Variants in NEGR1 observed in about 807,000 individuals in gnomAD.
NEGR1 encodes the protein IgLON family member 4.
Under a neutral mutation model 40.9 loss-of-function variants are expected in NEGR1, and 10 were observed. The observed-to-expected ratio is 0.24, with a 90% CI of 0.15 to 0.42. NEGR1 has a LOEUF of 0.42. NEGR1 is among the 10% of genes least tolerant of loss of function. NEGR1 has a pLI of 1.00. For missense variants in NEGR1, 352 were observed against 438.9 expected, an observed-to-expected ratio of 0.80 and a Z score of 1.77; for synonymous variants, 185 against 166.8, an observed-to-expected ratio of 1.11 and a Z score of -0.84.
intron 1 of NEGR1, chr1:72,274,719 A>T: frequency 9.8e-7 from 1 of 1,022,876 alleles, no homozygotes; most frequent in Non-Finnish European, 1.6e-6. Context: ...AGAATGGAAA[A>T]GTAATTGGAG....
intron 6 of NEGR1, among the ~76,000 whole-genome samples, chr1:71,581,153 G>T (rs896170066): frequency 2.0e-5 from 3 of 152,102 alleles, no homozygotes; most frequent in Non-Finnish European, 4.4e-5. Context: ...AATGGTGTGT[G>T]ATATGGCACA....
chr1:72,130,443 T>C (rs1650201344), intron 1 of NEGR1, among the ~76,000 whole-genome samples: 1 of 152,204 alleles, frequency 6.6e-6, no homozygotes, highest in African/African-American at 2.4e-5. Context: ...CAACGTCACT[T>C]TTCTTACGTC....
In NEGR1 at chr1:71,737,198, G is replaced by A. The variant is rs1186880215; in HGVS notation, c.535+38974C>T. ...ACTTTTGAAAAGGGAAATGAAATAG[G>A]CTCGACCATATCATATCCCAAAATG... On this transcript the variant is annotated intron_variant, in intron 3 of 6. Coordinates refer to ENST00000357731, the MANE Select transcript of NEGR1 (RefSeq NM_173808.3). 1.1e-4 allele frequency among the ~76,000 whole-genome samples: 16 copies of A among 152,214 alleles called. 1 individual carries two copies. In the East Asian group the frequency reaches 3.1e-3, roughly 29 times the overall value.
At chr1:71,607,595 T>G (rs1466350629) in intron 5 of NEGR1, among the ~76,000 whole-genome samples, 9 of 152,260 alleles carry the variant, frequency 5.9e-5, no homozygotes, top group African/African-American at 2.2e-4. Flanking sequence ...CTTACAGGTT[T>G]GTTATAAGAG....
chr1:72,104,622 T>C (rs959776843), intron 1 of NEGR1, among the ~76,000 whole-genome samples: 2 of 152,174 alleles, frequency 1.3e-5, no homozygotes, highest in African/African-American at 4.8e-5. Context: ...ATTGTAGTAA[T>C]ATGCTACACA....
intron 6 of NEGR1, among the ~76,000 whole-genome samples, chr1:71,561,868 AAT>A (rs1340414273): frequency 1.3e-5 from 2 of 151,046 alleles, no homozygotes; most frequent in East Asian, 3.9e-4. Flanking sequence ...AATATGCATA[AAT>A]ATAGCATTCA....
At chr1:71,726,797 A>G (rs889131251) in intron 3 of NEGR1, among the ~76,000 whole-genome samples, 29 of 152,220 alleles carry the variant, frequency 1.9e-4, no homozygotes, top group African/African-American at 7.0e-4. Flanking sequence ...CAACTTGGAC[A>G]AGACAGAGTA....
intron 6 of NEGR1, chr1:71,409,034 G>C (rs1646298823): frequency 1.3e-5 from 2 of 152,062 alleles, no homozygotes; most frequent in Middle Eastern, 6.8e-3. Context: ...TGAACACTGA[G>C]ACTACTATTT....
intron 1 of NEGR1, among the ~76,000 whole-genome samples, chr1:72,197,566 A>G (rs7518919): frequency 0.21 from 31,410 of 152,020 alleles, 3,758 homozygotes; most frequent in South Asian, 0.28. Context: ...GATTAACAAC[A>G]TAGAATTATA....
intron 2 of NEGR1, among the ~76,000 whole-genome samples, chr1:71,810,013 C>T (rs1477652026): frequency 6.6e-6 from 1 of 152,100 alleles, no homozygotes. Flanking sequence ...CAGTGAACTG[C>T]AATGGTTGAT....
At chr1:72,114,887 T>C (rs184930514) in intron 1 of NEGR1, among the ~76,000 whole-genome samples, 1 of 151,878 alleles carries the variant, frequency 6.6e-6, no homozygotes, top group Admixed American at 6.6e-5. Context: ...TAATTGAAAG[T>C]AAAAAGAAGT....
intron 1 of NEGR1, among the ~76,000 whole-genome samples, chr1:72,106,414 C>T (rs1292211687): frequency 6.6e-6 from 1 of 151,984 alleles, no homozygotes; most frequent in Non-Finnish European, 1.5e-5. Context: ...GTTCTTTGTT[C>T]ATAGGCATGC....
intron 5 of NEGR1, among the ~76,000 whole-genome samples, chr1:71,595,180 C>T (rs1448668821): frequency 6.6e-6 from 1 of 152,184 alleles, no homozygotes; most frequent in Non-Finnish European, 1.5e-5. Context: ...CATTTTGGGC[C>T]TCTGGCCAGC....
rs1167483776 is a variant in NEGR1 at position 72,099,070 on chromosome 1, T to A, written c.177-163759A>T. Among the ~76,000 whole-genome samples, 5 of 151,922 alleles carry A rather than the reference T, an allele frequency of 3.3e-5. No homozygotes were observed. The East Asian group carries it at 9.6e-4, about 29-fold the overall frequency. ...AATTGTTATTAATTATATAATCAAA[T>A]TTTATTAACATTTATTCTGAATAAG... is the stretch of plus-strand genomic sequence containing the variant. On this transcript the variant is annotated intron_variant, in intron 1 of 6. Transcript: ENST00000357731.
At chr1:72,105,981 T>C (rs1227587704) in intron 1 of NEGR1, among the ~76,000 whole-genome samples, 2 of 152,074 alleles carry the variant, frequency 1.3e-5, no homozygotes, top group Non-Finnish European at 1.5e-5. Flanking sequence ...AACCTAGATA[T>C]AACTAAGATA....
intron 2 of NEGR1, among the ~76,000 whole-genome samples, chr1:71,833,191 C>T (rs1658899023): frequency 6.6e-6 from 1 of 151,758 alleles, no homozygotes; most frequent in Non-Finnish European, 1.5e-5. Context: ...TATTTACTTA[C>T]AATAATAGAA....
At chr1:71,751,425 A>G (rs149920072) in intron 3 of NEGR1, among the ~76,000 whole-genome samples, 164 of 152,322 alleles carry the variant, frequency 1.1e-3, no homozygotes, top group African/African-American at 3.4e-3. Context: ...TGTTAAGGGC[A>G]TTTAAGAGGC....
intron 1 of NEGR1, among the ~76,000 whole-genome samples, chr1:72,240,816 T>C (rs1189469497): frequency 6.6e-6 from 1 of 151,852 alleles, no homozygotes; most frequent in Non-Finnish European, 1.5e-5. Flanking sequence ...CTCCTGATCA[T>C]TATTCTCATT....
chr1:72,202,120 C>A (rs1031428363), intron 1 of NEGR1, among the ~76,000 whole-genome samples: 1 of 151,846 alleles, frequency 6.6e-6, no homozygotes, highest in Non-Finnish European at 1.5e-5. Flanking sequence ...ATATCTGTTA[C>A]AGTAATCTGT....
Sources: allele counts gnomAD v4.1 joint callset (sites outside exome capture counted in the v4.1 genomes callset), GRCh38; gene constraint gnomAD v4.1.1; transcripts MANE v1.5; gene names NCBI Gene and HGNC (gene_info 2026-07-23, HGNC 2026-07-21).